The following TAFA1 variants were observed in gnomAD, a reference collection of about 807,000 sequenced individuals.
TAFA1 encodes TAFA chemokine like family member 1.
A neutral mutation model predicts 18.5 loss-of-function variants in TAFA1; 4 were observed. The ratio of observed to expected loss-of-function variants is 0.22; its 90% CI spans 0.11 to 0.49. The LOEUF (loss-of-function observed/expected upper bound fraction) is 0.49. Ranked by LOEUF, TAFA1 falls within the 20% of genes least tolerant of loss-of-function variation. The pLI is 0.98. For synonymous variants in TAFA1, 56 were observed against 55.2 expected, an observed-to-expected ratio of 1.01 and a Z score of -0.06; for missense variants, 147 against 169.0, an observed-to-expected ratio of 0.87 and a Z score of 0.72.
At chr3:68,345,404 A>C (rs2069149396) in intron 2 of TAFA1, among the ~76,000 whole-genome samples, 2 of 152,152 alleles carry the variant, frequency 1.3e-5, no homozygotes, top group Admixed American at 6.6e-5. Flanking sequence ...TCCTTCCATA[A>C]CAGAATGCAA....
chr3:68,424,846 T>G (rs1194408183), intron 3 of TAFA1, among the ~76,000 whole-genome samples: 2 of 152,016 alleles, frequency 1.3e-5, no homozygotes, highest in Non-Finnish European at 2.9e-5. Context: ...TTAGAACCTT[T>G]TTAACTGTAA....
chr3:68,249,305 C>G (rs2067145388), intron 2 of TAFA1, among the ~76,000 whole-genome samples: 1 of 152,154 alleles, frequency 6.6e-6, no homozygotes, highest in South Asian at 2.1e-4. Flanking sequence ...CAGACCCTTT[C>G]TACCATGTCA....
At chr3:68,024,213 C>T (rs560144225) in intron 2 of TAFA1, among the ~76,000 whole-genome samples, 2 of 152,066 alleles carry the variant, frequency 1.3e-5, no homozygotes, top group Non-Finnish European at 2.9e-5. Flanking sequence ...GGATCAAATG[C>T]ATCCATTTGT....
intron 2 of TAFA1, among the ~76,000 whole-genome samples, chr3:68,286,064 A>G (rs1381412831): frequency 1.3e-5 from 2 of 151,936 alleles, no homozygotes; most frequent in Non-Finnish European, 2.9e-5. Context: ...TACAAAAATT[A>G]GCTGGGCGTG....
At chr3:68,389,758 G>A (rs2106705652) in intron 2 of TAFA1, among the ~76,000 whole-genome samples, 1 of 152,186 alleles carries the variant, frequency 6.6e-6, no homozygotes, top group Middle Eastern at 3.4e-3. Flanking sequence ...AAGTGTAAGA[G>A]GTTGAGAAAC....
intron 3 of TAFA1, among the ~76,000 whole-genome samples, chr3:68,469,537 G>C (rs1353018159): frequency 2.0e-5 from 3 of 152,186 alleles, no homozygotes. Flanking sequence ...GCTGGGCGTG[G>C]TGGCGGGTGC....
chr3:68,236,436 T>G (rs529629362), intron 2 of TAFA1, among the ~76,000 whole-genome samples: 1 of 152,368 alleles, frequency 6.6e-6, no homozygotes, highest in African/African-American at 2.4e-5. Context: ...GCCAAAATAC[T>G]TGGCTAAAGC....
intron 2 of TAFA1, chr3:68,192,512 C>T (rs2107016793): frequency 5.4e-6 from 1 of 186,472 alleles, no homozygotes; most frequent in South Asian, 1.3e-4. Context: ...TGAATGGAAT[C>T]TGAATTTGAC....
intron 2 of TAFA1, among the ~76,000 whole-genome samples, chr3:68,104,197 A>T (rs569312068): frequency 6.6e-6 from 1 of 152,148 alleles, no homozygotes; most frequent in Non-Finnish European, 1.5e-5. Context: ...GATTAAAAAA[A>T]CTCAGATTAA....
intron 2 of TAFA1, among the ~76,000 whole-genome samples, chr3:68,317,226 G>T (rs149446139): frequency 6.6e-6 from 1 of 152,102 alleles, no homozygotes; most frequent in East Asian, 1.9e-4. Context: ...CTGCCTTTCC[G>T]AAGATTTTAC....
At chr3:68,042,898 GT>G (rs1175139217) in intron 2 of TAFA1, among the ~76,000 whole-genome samples, 1 of 151,710 alleles carries the variant, frequency 6.6e-6, no homozygotes, top group East Asian at 1.9e-4. Flanking sequence ...GTTTTGTTTT[GT>G]TTTTTTGAGA....
At chr3:68,482,497 A>G (rs1241018473) in intron 3 of TAFA1, among the ~76,000 whole-genome samples, 1 of 152,202 alleles carries the variant, frequency 6.6e-6, no homozygotes. Flanking sequence ...CACCTAGAAA[A>G]GTAACAGAGT....
intron 3 of TAFA1, among the ~76,000 whole-genome samples, chr3:68,423,965 C>T (rs751604180): frequency 6.6e-6 from 1 of 151,924 alleles, no homozygotes; most frequent in Non-Finnish European, 1.5e-5. Context: ...GGTGTTCTTG[C>T]CGTCTTATAC....
chr3:68,361,110 GT>G (rs1431660279), intron 2 of TAFA1, among the ~76,000 whole-genome samples: 1 of 151,966 alleles, frequency 6.6e-6, no homozygotes, highest in Admixed American at 6.6e-5. Flanking sequence ...TAGGTGGGAA[GT>G]CAGAATCAAT....
chr3:68,312,439 G>C (rs1221424883), intron 2 of TAFA1, among the ~76,000 whole-genome samples: 1 of 152,108 alleles, frequency 6.6e-6, no homozygotes, highest in Non-Finnish European at 1.5e-5. Context: ...CCTCTTGAAG[G>C]CTTTGCTGCT....
intron 2 of TAFA1, among the ~76,000 whole-genome samples, chr3:68,120,641 TAAAGA>T (rs971077582): frequency 6.6e-6 from 1 of 152,110 alleles, no homozygotes; most frequent in African/African-American, 2.4e-5. Flanking sequence ...TTCACAAACT[TAAAGA>T]AAAGGGCCAC....
intron 2 of TAFA1, among the ~76,000 whole-genome samples, chr3:68,218,622 C>A (rs985191637): frequency 6.6e-6 from 1 of 152,142 alleles, no homozygotes; most frequent in Non-Finnish European, 1.5e-5. Context: ...ACTGGAAAAG[C>A]ATCCAGACAG....
intron 2 of TAFA1, among the ~76,000 whole-genome samples, chr3:68,307,751 G>A (rs1265203776): frequency 1.3e-5 from 2 of 152,288 alleles, no homozygotes; most frequent in South Asian, 4.1e-4. Flanking sequence ...CATCTGGAGA[G>A]TTTAAGTATT....
chr3:68,364,034 G>T (rs262227), intron 2 of TAFA1, among the ~76,000 whole-genome samples: 73,740 of 151,922 alleles, frequency 0.49, 18,376 homozygotes, highest in East Asian at 0.74. Flanking sequence ...CAGAAATGAA[G>T]ATTGCACAGT....
Sources: allele counts gnomAD v4.1 joint callset (sites outside exome capture counted in the v4.1 genomes callset), GRCh38; gene constraint gnomAD v4.1.1; transcripts MANE v1.5; gene names NCBI Gene and HGNC (gene_info 2026-07-23, HGNC 2026-07-21).